ARMC8: variants seen among roughly 807,000 people sequenced by gnomAD.
The protein encoded by ARMC8 is armadillo repeat containing 8, also known as armadillo repeat-containing protein 8.
ARMC8 carries 20 observed loss-of-function variants against 99.3 expected under a neutral mutation model. The observed-to-expected ratio is 0.20, with a 90% CI of 0.14 to 0.29. The LOEUF (loss-of-function observed/expected upper bound fraction) is 0.29. ARMC8 is among the 10% of genes least tolerant of loss of function. ARMC8 has a pLI of 1.00. For synonymous variants in ARMC8, 263 were observed against 278.3 expected (o/e 0.95, Z 0.55); for missense variants, 569 against 809.5 (o/e 0.70, Z 3.60).
chr3:138,210,691 T>G (rs1044423074), intron 2 of ARMC8, among the ~76,000 whole-genome samples: 21 of 152,112 alleles, frequency 1.4e-4, no homozygotes, highest in African/African-American at 4.8e-4. Flanking sequence ...GCCTCTTTCT[T>G]TTTCTCTAAT....
At chr3:138,194,758 T>A (rs2043616797) in intron 1 of ARMC8, among the ~76,000 whole-genome samples, 1 of 152,138 alleles carries the variant, frequency 6.6e-6, no homozygotes, top group Non-Finnish European at 1.5e-5. Flanking sequence ...GCCTTGCCTA[T>A]AGCTACTTAA....
At chr3:138,247,333 C>G (rs2046929142) in intron 12 of ARMC8, among the ~76,000 whole-genome samples, 1 of 151,292 alleles carries the variant, frequency 6.6e-6, no homozygotes, top group African/African-American at 2.4e-5. Flanking sequence ...TTATGCTTGC[C>G]AAGATGGAAT....
At chr3:138,204,737 G>A (rs2044265514) in intron 1 of ARMC8, among the ~76,000 whole-genome samples, 1 of 152,150 alleles carries the variant, frequency 6.6e-6, no homozygotes, top group Non-Finnish European at 1.5e-5. Context: ...TGACATCCTG[G>A]ATTTCTTCAC....
intron 1 of ARMC8, among the ~76,000 whole-genome samples, chr3:138,207,476 AAGAT>A (rs1413496258): frequency 6.6e-6 from 1 of 152,212 alleles, no homozygotes; most frequent in Non-Finnish European, 1.5e-5. Flanking sequence ...AACTTATGTT[AAGAT>A]ACACATCATT....
At chr3:138,224,322 A>G (rs1559949508) in intron 5 of ARMC8, among the ~76,000 whole-genome samples, 2 of 152,206 alleles carry the variant, frequency 1.3e-5, no homozygotes, top group African/African-American at 2.4e-5. Context: ...GCTCATGCCT[A>G]TAGTCCTAGC....
intron 12 of ARMC8, among the ~76,000 whole-genome samples, chr3:138,259,777 A>G (rs568539803): frequency 1.3e-5 from 2 of 152,318 alleles, no homozygotes; most frequent in African/African-American, 4.8e-5. Context: ...ATCAGGGACC[A>G]TACACCCCTA....
rs972085403 is a variant in ARMC8, at chr3:138,246,664, A to G, written c.1134+1481A>G. On this transcript the variant is annotated intron_variant, in intron 12 of 21. Coordinates refer to ENST00000469044, the MANE Select transcript of ARMC8 (RefSeq NM_001363941.2). ...AGACAGATGGACCACAATGGGAAAT[A>G]GGATGTCCATTTGTACTTCTTTGTA... 17 of 985,712 alleles carry G rather than the reference A, an allele frequency of 1.7e-5. No individual in the cohort carries two copies. The African/African-American group carries it at 3.0e-4, about 17-fold the overall frequency. 61.1% of individuals were successfully genotyped at this position (985,712 alleles called of 1,614,324 possible).
chr3:138,262,598 A>G (rs781548747), intron 12 of ARMC8: 7 of 214,346 alleles, frequency 3.3e-5, no homozygotes, highest in Middle Eastern at 6.8e-4. Flanking sequence ...TGAGGAGATT[A>G]AAAAAAAAAA....
intron 17 of ARMC8, among the ~76,000 whole-genome samples, chr3:138,273,920 G>T (rs143389450): frequency 6.6e-6 from 1 of 151,736 alleles, no homozygotes; most frequent in Non-Finnish European, 1.5e-5. Context: ...GGGTTCAAGT[G>T]ATTCTTCTTT....
chr3:138,230,623 C>T (rs1330247795), intron 6 of ARMC8, among the ~76,000 whole-genome samples: 1 of 152,130 alleles, frequency 6.6e-6, no homozygotes, highest in Non-Finnish European at 1.5e-5. Context: ...CACTGTACTT[C>T]AGCCTGAGTC....
At chr3:138,218,184 T>C (rs1001586507) in intron 2 of ARMC8, among the ~76,000 whole-genome samples, 1 of 152,184 alleles carries the variant, frequency 6.6e-6, no homozygotes, top group Admixed American at 6.5e-5. Flanking sequence ...GTTTACCTAA[T>C]GAATGCTATG....
At chr3:138,281,219 T>C (rs73227570) in intron 18 of ARMC8, among the ~76,000 whole-genome samples, 1 of 150,614 alleles carries the variant, frequency 6.6e-6, no homozygotes, top group African/African-American at 2.4e-5. Context: ...ATGGTGTGGG[T>C]GTGTGTGTGT....
At chr3:138,208,446 A>C (rs781186014) in intron 1 of ARMC8, among the ~76,000 whole-genome samples, 6 of 152,236 alleles carry the variant, frequency 3.9e-5, no homozygotes, top group Non-Finnish European at 8.8e-5. Context: ...TAGCCTGGGC[A>C]ACAGAGCGAG....
intron 12 of ARMC8, chr3:138,245,884 C>T: frequency 1.0e-6 from 1 of 985,400 alleles, no homozygotes; most frequent in Non-Finnish European, 1.2e-6. Flanking sequence ...ACTTACCACT[C>T]AAAAACATGT....
At chr3:138,224,350 A>G (rs920416418) in intron 5 of ARMC8, among the ~76,000 whole-genome samples, 1 of 152,120 alleles carries the variant, frequency 6.6e-6, no homozygotes, top group African/African-American at 2.4e-5. Context: ...ACTGCAGTGG[A>G]AGGATTGCTT....
intron 8 of ARMC8, 32 bp from the exon 9 acceptor site, chr3:138,237,450 T>G: frequency 6.2e-7 from 1 of 1,611,502 alleles, no homozygotes; most frequent in Non-Finnish European, 8.5e-7. Flanking sequence ...TTAAAGAATT[T>G]CCTTAATCAT....
At chr3:138,288,635 CTTTTTTTTTTTT>C (rs547726493) in intron 19 of ARMC8, among the ~76,000 whole-genome samples, 2 of 109,678 alleles carry the variant, frequency 1.8e-5, no homozygotes, top group Admixed American at 2.1e-4. Context: ...CTTCTTCAGA[CTTTTTTTTTTTT>C]TTTTTTTTTG....
Position 138,188,319 on chromosome 3 carries a change from GATTT to G in ARMC8, c.45+725_45+728del, listed in dbSNP as rs2043191229. 3 of 1,197,082 alleles carry G rather than the reference GATTT, an allele frequency of 2.5e-6. No individual in the cohort carries two copies. The African/African-American group carries it at 4.7e-5, about 19-fold the overall frequency. 74.2% of individuals were successfully genotyped at this position (1,197,082 alleles called of 1,614,324 possible). A position where few individuals can be genotyped will look rare whatever the true frequency, so the allele number is the denominator to read the frequency against. On this transcript the variant is annotated intron_variant, in intron 1 of 21. Transcript: ENST00000469044. ...CATTGAAGGGGGGAAAAGGGGGTGA[GATTT>G]ATTTCCCCATTGTTGAAAGAAGGGA...
intron 6 of ARMC8, among the ~76,000 whole-genome samples, chr3:138,229,700 A>G (rs1216208698): frequency 6.6e-6 from 1 of 152,166 alleles, no homozygotes; most frequent in Non-Finnish European, 1.5e-5. Context: ...TTTCTTTTCT[A>G]TGAAGTGCCA....
Sources: allele counts gnomAD v4.1 joint callset (sites outside exome capture counted in the v4.1 genomes callset), GRCh38; gene constraint gnomAD v4.1.1; transcripts MANE v1.5; gene names NCBI Gene and HGNC (gene_info 2026-07-23, HGNC 2026-07-21).